Variants in RASSF3 observed in about 807,000 individuals in gnomAD.
The protein encoded by RASSF3 is Ras association domain family member 3.
RASSF3 carries 19 observed loss-of-function variants against 19.9 expected under a neutral mutation model. That is an observed-to-expected ratio of 0.96 (90% confidence interval 0.67 to 1.40). The LOEUF (loss-of-function observed/expected upper bound fraction) is 1.40. RASSF3 is among the 40% of genes most tolerant of loss of function. RASSF3 has a pLI of 0.00. For synonymous variants in RASSF3, 110 were observed against 104.2 expected, an observed-to-expected ratio of 1.06 and a Z score of -0.34; for missense variants, 306 against 289.8, an observed-to-expected ratio of 1.06 and a Z score of -0.41.
chr12:64,612,976 A>C (rs949846390), intron 1 of RASSF3, among the ~76,000 whole-genome samples: 1 of 152,176 alleles, frequency 6.6e-6, no homozygotes, highest in Non-Finnish European at 1.5e-5. Flanking sequence ...TTGCCTGCAT[A>C]TTTTTCCCTT....
rs529179601 is a variant in RASSF3 at position 64,569,680 on chromosome 12, T to C, written c.294+27975T>C. The stretch of plus-strand genomic sequence containing the variant: ...CAAGTAAGCAACTTAAAAATACATC[T>C]TTAAGCTGGGCGCAGTGGCTCACGC... On this transcript the variant is annotated intron_variant, in intron 2 of 5. Transcript: ENST00000637125. 3.2e-4 allele frequency among the ~76,000 whole-genome samples: 48 copies of C among 152,334 alleles called. 1 individual carries two copies. In the South Asian group the frequency reaches 9.9e-3, roughly 32 times the overall value.
intron 2 of RASSF3, among the ~76,000 whole-genome samples, chr12:64,552,575 G>A (rs1869183999): frequency 6.6e-6 from 1 of 152,076 alleles, no homozygotes; most frequent in African/African-American, 2.4e-5. Flanking sequence ...CCCTCCCTGT[G>A]TCCATGTGTT....
intron 1 of RASSF3, among the ~76,000 whole-genome samples, chr12:64,520,377 G>T (rs973510120): frequency 6.6e-6 from 1 of 151,600 alleles, no homozygotes; most frequent in Admixed American, 6.6e-5. Flanking sequence ...TGGCCAGGCT[G>T]GTCTCAAACT....
At chr12:64,601,477 A>T (rs1321680042) in intron 2 of RASSF3, among the ~76,000 whole-genome samples, 2 of 152,186 alleles carry the variant, frequency 1.3e-5, no homozygotes, top group Admixed American at 6.5e-5. Flanking sequence ...TCATAGTATT[A>T]AAATGTAGTT....
downstream of RASSF3, among the ~76,000 whole-genome samples, chr12:64,546,607 C>A (rs1223329729): frequency 6.6e-6 from 1 of 152,216 alleles, no homozygotes; most frequent in Non-Finnish European, 1.5e-5. Context: ...TCAGTCTACT[C>A]TTGTGAATTG....
intron 1 of RASSF3, among the ~76,000 whole-genome samples, chr12:64,511,172 C>T (rs983197368): frequency 1.3e-5 from 2 of 152,170 alleles, no homozygotes; most frequent in African/African-American, 4.8e-5. Context: ...TCACCATGTC[C>T]TTCATCTGCA....
chr12:64,629,810 C>T (rs1418939228), intron 1 of RASSF3: 2 of 151,298 alleles, frequency 1.3e-5, no homozygotes, highest in African/African-American at 4.9e-5. Context: ...ACTAAAAATA[C>T]AAAAATTAGC....
intron 1 of RASSF3, among the ~76,000 whole-genome samples, chr12:64,611,027 CG>C (rs1466905838): frequency 6.6e-6 from 1 of 152,218 alleles, no homozygotes; most frequent in East Asian, 1.9e-4. Flanking sequence ...CTGCCGCCTG[CG>C]GGGAGCAGCC....
intron 2 of RASSF3, among the ~76,000 whole-genome samples, chr12:64,602,559 G>C (rs1252191942): frequency 6.7e-6 from 1 of 149,928 alleles, no homozygotes; most frequent in Non-Finnish European, 1.5e-5. Context: ...CCAGCCTGGT[G>C]CCAGAGCGAG....
chr12:64,688,365 A>C lies in RASSF3; in HGVS notation c.369A>C (p.Glu123Asp). ...TCAGCAGCACAAACACTGTCGGGGA[A>C]GTGATCGAGGCCCTGCTCAAAAAGT... Reference protein sequence around the residue: ...LHISSTNTVGEVIEALLKKFL... With the variant: ...LHISSTNTVGDVIEALLKKFL... The change falls in exon 3 of 5, where the codon GAA becomes GAC. Residue 123 changes from glutamate to aspartate, a missense_variant. By Grantham distance (45) the Glu-to-Asp change is conservative. Transcript: ENST00000542104. The C allele has an allele frequency of 6.2e-7, 1 of 1,614,222 alleles. No individual in the cohort carries two copies. The highest frequency in any genetic ancestry group is 8.5e-7 in the Non-Finnish European group (1 of 1,180,042).
At chr12:64,629,870 A>G (rs1293006084) in intron 1 of RASSF3, 1 of 150,056 alleles carries the variant, frequency 6.7e-6, no homozygotes, top group African/African-American at 2.4e-5. Context: ...AGGCTGAGGC[A>G]GGAGAATCAC....
intron 1 of RASSF3, among the ~76,000 whole-genome samples, chr12:64,661,466 A>G (rs867648074): frequency 2.0e-5 from 3 of 151,866 alleles, no homozygotes; most frequent in African/African-American, 4.8e-5. Flanking sequence ...TTGGGCGACA[A>G]AGTGAGACCC....
rs1868350528 is a variant in RASSF3 at position 64,695,948 on chromosome 12, C to T, written c.*1036C>T. On this transcript the variant is annotated 3_prime_UTR_variant, in exon 5 of 5. Coordinates refer to ENST00000542104, the MANE Select transcript of RASSF3 (RefSeq NM_178169.4). ...AATTTGGGTAGGGGCAGCTGTTTTT[C>T]CCTTGATTGTTAGCTAGGATATTTG... 3 of 152,320 alleles carry T rather than the reference C, an allele frequency of 2.0e-5. No homozygotes were observed. Among genetic ancestry groups the T allele is most frequent in the South Asian group, 2.1e-4 (1 of 4,828 alleles). The allele number at this position is 152,320 out of a possible 1,614,324, so 9.4% of individuals were successfully genotyped here.
At chr12:64,565,406 A>G (rs1869412252) in intron 2 of RASSF3, among the ~76,000 whole-genome samples, 1 of 150,754 alleles carries the variant, frequency 6.6e-6, no homozygotes, top group African/African-American at 2.4e-5. Context: ...GCAAAAACTC[A>G]TCTCTACTAA....
chr12:64,580,575 AAC>A (rs201737911), intron 2 of RASSF3, among the ~76,000 whole-genome samples: 9,841 of 141,224 alleles, frequency 0.07, 399 homozygotes, highest in East Asian at 0.16. Context: ...TTTTTAGGAA[AAC>A]ACACACACAC....
chr12:64,576,169 A>C (rs907039472), intron 2 of RASSF3, among the ~76,000 whole-genome samples: 1 of 152,194 alleles, frequency 6.6e-6, no homozygotes, highest in Non-Finnish European at 1.5e-5. Flanking sequence ...TTAAACCAAT[A>C]TAATTAAGAC....
intron 2 of RASSF3, among the ~76,000 whole-genome samples, chr12:64,601,927 C>T (rs1387068176): frequency 6.6e-6 from 1 of 151,750 alleles, no homozygotes; most frequent in Non-Finnish European, 1.5e-5. Context: ...ACCATCCTGG[C>T]TAACAAGGTG....
At chr12:64,585,883 G>A (rs564826871) in intron 2 of RASSF3, among the ~76,000 whole-genome samples, 1 of 152,232 alleles carries the variant, frequency 6.6e-6, no homozygotes, top group East Asian at 1.9e-4. Flanking sequence ...TGGGATTATA[G>A]GCATGAGCCG....
chr12:64,626,018 C>G (rs1445268456), intron 1 of RASSF3, among the ~76,000 whole-genome samples: 1 of 152,090 alleles, frequency 6.6e-6, no homozygotes, highest in Non-Finnish European at 1.5e-5. Context: ...CCCAACCTCC[C>G]CCTCCTTTGG....
Sources: gnomAD v4.1 joint callset for allele counts (sites outside exome capture counted in the v4.1 genomes callset) on GRCh38, gnomAD v4.1.1 for gene constraint, MANE v1.5 for transcripts, NCBI Gene and HGNC (gene_info 2026-07-23, HGNC 2026-07-21) for gene names.